Variants in RETREG1 observed in about 807,000 individuals in gnomAD.
RETREG1 encodes reticulophagy regulator 1.
Under a neutral mutation model 54.8 loss-of-function variants are expected in RETREG1, and 44 were observed. The ratio of observed to expected loss-of-function variants is 0.80; its 90% CI spans 0.63 to 1.03. RETREG1 has a LOEUF of 1.03. Ranked by LOEUF, RETREG1 falls within the 50% of genes least tolerant of loss-of-function variation. The probability of loss-of-function intolerance (pLI) is 0.00; values close to 1 mark genes in which losing one functional copy is unlikely to be tolerated. For synonymous variants in RETREG1, 217 were observed against 238.5 expected, an observed-to-expected ratio of 0.91 and a Z score of 0.83; for missense variants, 554 against 605.1, an observed-to-expected ratio of 0.92 and a Z score of 0.89.
intron 3 of RETREG1, among the ~76,000 whole-genome samples, chr5:16,542,895 A>G (rs527822931): frequency 2.0e-5 from 3 of 152,332 alleles, no homozygotes; most frequent in Non-Finnish European, 4.4e-5. Flanking sequence ...ATAACTTTTG[A>G]CAGAGCTATA....
At chr5:16,609,719 G>A (rs1579728750) in intron 1 of RETREG1, among the ~76,000 whole-genome samples, 1 of 152,142 alleles carries the variant, frequency 6.6e-6, no homozygotes, top group Non-Finnish European at 1.5e-5. Context: ...GACTCAGTGG[G>A]AACCAAGAAG....
At chr5:16,556,304 C>T (rs961240012) in intron 3 of RETREG1, among the ~76,000 whole-genome samples, 1 of 151,946 alleles carries the variant, frequency 6.6e-6, no homozygotes, top group South Asian at 2.1e-4. Flanking sequence ...TACAGGCACC[C>T]GCCGCCACGC....
chr5:16,513,793 G>A (rs1268263653), intron 3 of RETREG1, among the ~76,000 whole-genome samples: 3 of 152,116 alleles, frequency 2.0e-5, no homozygotes, highest in South Asian at 2.1e-4. Flanking sequence ...CTTCTCCCAC[G>A]GGAGCCTCTC....
In RETREG1 at chr5:16,483,474, TA is replaced by T. The variant is rs1738895252; in HGVS notation, c.459-3del. On this transcript the variant is annotated splice_region_variant and splice_polypyrimidine_tract_variant and intron_variant, in intron 3 of 8. Coordinates refer to ENST00000306320, the MANE Select transcript of RETREG1 (RefSeq NM_001034850.3). ...GGTTTGGAATTGATAACTTCCCAGC[TA>T]AAGAGACAAAAAGAAAAAAAATACT... 6.2e-7 allele frequency: 1 copy of T among 1,612,810 alleles called. No homozygotes were observed. The highest frequency in any genetic ancestry group is 1.3e-5 in the African/African-American group (1 of 74,858).
intron 2 of RETREG1, among the ~76,000 whole-genome samples, chr5:16,571,291 T>G (rs1288257050): frequency 2.0e-5 from 3 of 152,168 alleles, no homozygotes; most frequent in Non-Finnish European, 4.4e-5. Flanking sequence ...TTTAGTGAAA[T>G]TAAATGTCTC....
chr5:16,583,349 A>G (rs1742542685), intron 1 of RETREG1, among the ~76,000 whole-genome samples: 1 of 151,154 alleles, frequency 6.6e-6, no homozygotes, highest in African/African-American at 2.4e-5. Flanking sequence ...AAAAAGTATC[A>G]GGGCGTGGTG....
intron 2 of RETREG1, among the ~76,000 whole-genome samples, chr5:16,568,759 C>T (rs1579692254): frequency 6.6e-6 from 1 of 152,146 alleles, no homozygotes; most frequent in African/African-American, 2.4e-5. Flanking sequence ...GATGAAAACG[C>T]TCTAGGGATC....
chr5:16,524,582 C>A (rs1213073533), intron 3 of RETREG1, among the ~76,000 whole-genome samples: 1 of 152,170 alleles, frequency 6.6e-6, no homozygotes, highest in Non-Finnish European at 1.5e-5. Context: ...CTGCTTTCGG[C>A]CTGCTTATTT....
intron 2 of RETREG1, among the ~76,000 whole-genome samples, chr5:16,569,574 C>A (rs1742116560): frequency 6.6e-6 from 1 of 152,086 alleles, no homozygotes; most frequent in South Asian, 2.1e-4. Flanking sequence ...TGCTGAAGGC[C>A]CTTCTATTTG....
chr5:16,607,831 C>G (rs1184348775), intron 1 of RETREG1, among the ~76,000 whole-genome samples: 5 of 151,748 alleles, frequency 3.3e-5, no homozygotes, highest in African/African-American at 7.3e-5. Context: ...CCCTAGCAAG[C>G]ACATAAATCT....
chr5:16,487,163 G>A (rs1319969949), intron 3 of RETREG1, among the ~76,000 whole-genome samples: 1 of 152,136 alleles, frequency 6.6e-6, no homozygotes, highest in Non-Finnish European at 1.5e-5. Flanking sequence ...TTTTGAGTTT[G>A]TACTAAGTTC....
chr5:16,583,861 T>C (rs890746238), intron 1 of RETREG1, among the ~76,000 whole-genome samples: 1 of 152,224 alleles, frequency 6.6e-6, no homozygotes, highest in African/African-American at 2.4e-5. Context: ...TTCAGAGTTC[T>C]TATATGGAAA....
chr5:16,555,755 A>C (rs1741688741), intron 3 of RETREG1, among the ~76,000 whole-genome samples: 1 of 152,196 alleles, frequency 6.6e-6, no homozygotes, highest in Admixed American at 6.5e-5. Flanking sequence ...GGCAAATATG[A>C]CTACAAGTAA....
At chr5:16,565,868 A>G in intron 2 of RETREG1, 75 bp from the exon 3 acceptor site, 1 of 1,469,766 alleles carries the variant, frequency 6.8e-7, no homozygotes, top group Non-Finnish European at 9.4e-7. Context: ...ACTCTGAACT[A>G]GTCCAAGCTA....
intron 1 of RETREG1, among the ~76,000 whole-genome samples, chr5:16,610,424 C>G (rs989682086): frequency 2.6e-5 from 4 of 152,188 alleles, no homozygotes; most frequent in Non-Finnish European, 4.4e-5. Context: ...GCCATGGTCT[C>G]CAACCATGGG....
chr5:16,486,228 T>C (rs1486576776), intron 3 of RETREG1, among the ~76,000 whole-genome samples: 6 of 152,196 alleles, frequency 3.9e-5, no homozygotes, highest in African/African-American at 1.4e-4. Flanking sequence ...AAAATAAATG[T>C]TCAGATTGGG....
chr5:16,478,702 G>T (rs1738640021), intron 6 of RETREG1, 148 bp downstream of exon 6: 3 of 699,382 alleles, frequency 4.3e-6, no homozygotes, highest in African/African-American at 1.8e-5. Context: ...ATAGGAAAAG[G>T]ATATATATAA....
chr5:16,586,116 G>A (rs1742620228), intron 1 of RETREG1, among the ~76,000 whole-genome samples: 1 of 152,210 alleles, frequency 6.6e-6, no homozygotes, highest in Non-Finnish European at 1.5e-5. Context: ...GCAATGTCGT[G>A]CAGGATGGTA....
chr5:16,526,663 G>A (rs1740724613), intron 3 of RETREG1, among the ~76,000 whole-genome samples: 2 of 152,146 alleles, frequency 1.3e-5, no homozygotes, highest in Non-Finnish European at 1.5e-5. Flanking sequence ...CTGTGAGTCC[G>A]ACACTGTTCT....
Sources: allele counts gnomAD v4.1 joint callset (sites outside exome capture counted in the v4.1 genomes callset), GRCh38; gene constraint gnomAD v4.1.1; transcripts MANE v1.5; gene names NCBI Gene and HGNC (gene_info 2026-07-23, HGNC 2026-07-21).